Variants in RABGAP1L observed in about 807,000 individuals in gnomAD.
RABGAP1L encodes RAB GTPase activating protein 1 like.
In RABGAP1L, 63 loss-of-function variants were observed where a neutral mutation model predicts 137.7. The observed-to-expected ratio is 0.46, with a 90% CI of 0.37 to 0.56. The LOEUF is 0.56. Ranked by LOEUF, RABGAP1L falls within the 20% of genes least tolerant of loss-of-function variation. The pLI is 0.00. For missense variants in RABGAP1L, 1,095 were observed against 1,244.0 expected (o/e 0.88, Z 1.80); for synonymous variants, 431 against 433.7 (o/e 0.99, Z 0.08).
chr1:174,170,670 T>TTA (rs1665288700), intron 1 of RABGAP1L, among the ~76,000 whole-genome samples: 1 of 83,614 alleles, frequency 1.2e-5, no homozygotes, highest in African/African-American at 6.4e-5. Context: ...AGACGCTGTT[T>TTA]CAAAAAAAAA....
At chr1:174,667,875 C>G (rs1042020321) in intron 14 of RABGAP1L, among the ~76,000 whole-genome samples, 13 of 152,142 alleles carry the variant, frequency 8.5e-5, no homozygotes, top group African/African-American at 2.9e-4. Flanking sequence ...TATGTCTTTT[C>G]AACTTTGTAT....
At chr1:174,882,746 G>C (rs762325567) in intron 19 of RABGAP1L, among the ~76,000 whole-genome samples, 43 of 152,038 alleles carry the variant, frequency 2.8e-4, no homozygotes, top group Admixed American at 1.4e-3. Flanking sequence ...ACACACATGA[G>C]CAAACTAAGA....
intron 19 of RABGAP1L, among the ~76,000 whole-genome samples, chr1:174,836,132 G>T (rs995792230): frequency 6.6e-6 from 1 of 152,122 alleles, no homozygotes; most frequent in African/African-American, 2.4e-5. Flanking sequence ...TTGATTTCAA[G>T]GTGGTATCAA....
chr1:174,694,233 T>C (rs1335973106), intron 15 of RABGAP1L, among the ~76,000 whole-genome samples: 3 of 152,048 alleles, frequency 2.0e-5, no homozygotes, highest in Non-Finnish European at 4.4e-5. Flanking sequence ...AGTTTTAGGG[T>C]ACATGTGCAC....
intron 11 of RABGAP1L, among the ~76,000 whole-genome samples, chr1:174,336,899 A>G (rs6697969): frequency 0.027 from 3,899 of 145,150 alleles, 156 homozygotes; most frequent in African/African-American, 0.089. Flanking sequence ...GAGAGAGAGA[A>G]AGAGAGAGAA....
At chr1:174,318,588 CT>C (rs1205461262) in intron 11 of RABGAP1L, among the ~76,000 whole-genome samples, 1 of 126,388 alleles carries the variant, frequency 7.9e-6, no homozygotes, top group Non-Finnish European at 1.6e-5. Flanking sequence ...TGTTTTCTTT[CT>C]TTCTTTCTTT....
intron 11 of RABGAP1L, among the ~76,000 whole-genome samples, chr1:174,323,180 G>A (rs1680157535): frequency 1.3e-5 from 2 of 152,002 alleles, no homozygotes; most frequent in Non-Finnish European, 2.9e-5. Context: ...AATCTGTTTT[G>A]TGGCATATAT....
At chr1:174,615,819 G>A (rs1490951956) in intron 13 of RABGAP1L, among the ~76,000 whole-genome samples, 1 of 152,248 alleles carries the variant, frequency 6.6e-6, no homozygotes, top group Non-Finnish European at 1.5e-5. Context: ...CCGCCTTGCA[G>A]TTTGATCTCC....
At chr1:174,356,091 C>A (rs952422126) in intron 11 of RABGAP1L, among the ~76,000 whole-genome samples, 1 of 151,984 alleles carries the variant, frequency 6.6e-6, no homozygotes. Flanking sequence ...TTCAGGATGA[C>A]CTAATTTACA....
intron 13 of RABGAP1L, among the ~76,000 whole-genome samples, chr1:174,526,278 T>C (rs367702550): frequency 6.6e-6 from 1 of 152,196 alleles, no homozygotes. Context: ...TTCAAAGATA[T>C]TGACCTATAG....
intron 18 of RABGAP1L, among the ~76,000 whole-genome samples, chr1:174,787,390 A>G (rs1754358): frequency 0.94 from 138,576 of 147,594 alleles, 65,720 homozygotes; most frequent in East Asian, 1. Flanking sequence ...GTGACAGAGC[A>G]AGACTCTGTG....
intron 13 of RABGAP1L, among the ~76,000 whole-genome samples, chr1:174,472,159 G>A (rs1372112515): frequency 6.6e-6 from 1 of 152,220 alleles, no homozygotes; most frequent in African/African-American, 2.4e-5. Context: ...AAGACACCCA[G>A]CTGTATGTTT....
chr1:174,509,955 T>C (rs753766107), intron 13 of RABGAP1L, among the ~76,000 whole-genome samples: 6 of 152,188 alleles, frequency 3.9e-5, no homozygotes, highest in Admixed American at 6.5e-5. Context: ...TTGCTGAGGT[T>C]GAGGCCCACA....
intron 17 of RABGAP1L, among the ~76,000 whole-genome samples, chr1:174,751,684 T>C (rs977629304): frequency 1.3e-5 from 2 of 152,196 alleles, no homozygotes; most frequent in Non-Finnish European, 2.9e-5. Context: ...CAATTTAATT[T>C]GTTTATTTCT....
intron 10 of RABGAP1L, among the ~76,000 whole-genome samples, chr1:174,302,693 G>A (rs1277322771): frequency 6.6e-6 from 1 of 152,176 alleles, no homozygotes; most frequent in African/African-American, 2.4e-5. Flanking sequence ...ATACAGGGAA[G>A]TAAGCTACTT....
intron 1 of RABGAP1L, among the ~76,000 whole-genome samples, chr1:174,181,331 TC>T (rs1426112906): frequency 2.3e-4 from 35 of 150,848 alleles, no homozygotes; most frequent in Non-Finnish European, 4.6e-4. Context: ...CAAGGGTCTT[TC>T]TTTTTTTCTT....
At chr1:174,873,147 C>A (rs909571363) in intron 19 of RABGAP1L, among the ~76,000 whole-genome samples, 1 of 152,060 alleles carries the variant, frequency 6.6e-6, no homozygotes, top group Non-Finnish European at 1.5e-5. Flanking sequence ...CGGCTCACTG[C>A]AACCTCTGCC....
intron 13 of RABGAP1L, among the ~76,000 whole-genome samples, chr1:174,551,564 A>G (rs1394381921): frequency 6.6e-6 from 1 of 152,170 alleles, no homozygotes; most frequent in African/African-American, 2.4e-5. Flanking sequence ...TGAAATGAGG[A>G]AGGTTCTCAG....
intron 14 of RABGAP1L, among the ~76,000 whole-genome samples, chr1:174,668,104 T>A (rs1676919466): frequency 6.6e-6 from 1 of 152,184 alleles, no homozygotes; most frequent in Admixed American, 6.5e-5. Flanking sequence ...AAGGTAAACA[T>A]CCAAAAACCT....
Sources: allele counts gnomAD v4.1 joint callset (sites outside exome capture counted in the v4.1 genomes callset), GRCh38; gene constraint gnomAD v4.1.1; transcripts MANE v1.5; gene names NCBI Gene and HGNC (gene_info 2026-07-23, HGNC 2026-07-21).